The following USP24 variants were observed in gnomAD, a reference collection of about 807,000 sequenced individuals.
The protein encoded by USP24 is ubiquitin specific peptidase 24, also known as ubiquitin carboxyl-terminal hydrolase 24.
In USP24, 97 loss-of-function variants were observed where a neutral mutation model predicts 361.6. The ratio of observed to expected loss-of-function variants is 0.27; its 90% CI spans 0.23 to 0.32. The LOEUF is 0.32. USP24 is among the 10% of genes least tolerant of loss of function. The pLI is 1.00. For synonymous variants in USP24, 1,098 were observed against 1,124.6 expected (o/e 0.98, Z 0.47); for missense variants, 2,353 against 3,165.6 (o/e 0.74, Z 6.16).
intron 40 of USP24, among the ~76,000 whole-genome samples, chr1:55,106,533 T>C: frequency 6.6e-6 from 1 of 152,200 alleles, no homozygotes; most frequent in East Asian, 1.9e-4. Context: ...GCTTTCACTT[T>C]AGAAACAGAA....
rs529158905 is a variant in USP24 at position 55,214,859 on chromosome 1, G to A, written c.255C>T (p.Arg85=). Residue 85 remains arginine, a synonymous_variant, in exon 1 of 68, where the codon CGC becomes CGT. Transcript: ENST00000294383. ...CGCCCCCGCCTCCGGTGCTCCCGCC[G>A]CGGGAGGGGCCGCCGCCGCCGCCGT... ...GGDGGGGGPS[R]GGSTGGGGGF... is the part of the protein sequence containing the mutation. 66 of 1,222,794 alleles carry A rather than the reference G, an allele frequency of 5.4e-5. No individual in the cohort carries two copies. Among genetic ancestry groups the A allele is most frequent in the Non-Finnish European group, 6.4e-5 (62 of 975,406 alleles). The allele number at this position is 1,222,794 out of a possible 1,614,324, so 75.7% of individuals were successfully genotyped here.
chr1:55,163,366 T>C (rs540526427), intron 7 of USP24, among the ~76,000 whole-genome samples: 1 of 151,968 alleles, frequency 6.6e-6, no homozygotes, highest in African/African-American at 2.4e-5. Flanking sequence ...GATTTACAAA[T>C]ATGCAAAATA....
chr1:55,096,941 G>C lies in USP24; in HGVS notation c.5936+11C>G. The C allele has an allele frequency of 1.2e-6, 2 of 1,611,064 alleles. No individual in the cohort carries two copies. The highest frequency in any genetic ancestry group is 1.7e-4 in the Middle Eastern group (1 of 6,028). On this transcript the variant is annotated intron_variant, in intron 49 of 67. Coordinates refer to ENST00000294383, the MANE Select transcript of USP24 (RefSeq NM_015306.3). ...AGAAAGTGAGTAAGTGCTGCCTCAGGAAACTCTTACCGCCTGTCCTTAATG... is the reference window on the plus strand; with the variant it reads ...AGAAAGTGAGTAAGTGCTGCCTCAGCAAACTCTTACCGCCTGTCCTTAATG...
At chr1:55,088,878 T>C (rs1645310728) in intron 55 of USP24, among the ~76,000 whole-genome samples, 2 of 152,154 alleles carry the variant, frequency 1.3e-5, no homozygotes, top group Admixed American at 1.3e-4. Context: ...AAATTTCAGG[T>C]ACCTAGGTAG....
intron 16 of USP24, among the ~76,000 whole-genome samples, chr1:55,149,448 A>G (rs1647130745): frequency 6.6e-6 from 1 of 152,142 alleles, no homozygotes; most frequent in South Asian, 2.1e-4. Context: ...TAAGATGAAG[A>G]CCCTTGTGGA....
Position 55,215,260 on chromosome 1 carries a change from C to T in USP24, c.-147G>A. The T allele has an allele frequency of 1.7e-6, 1 of 595,936 alleles. No individual in the cohort carries two copies. The highest frequency in any genetic ancestry group is 5.7e-4 in the Middle Eastern group (1 of 1,762). 36.9% of individuals were successfully genotyped at this position (595,936 alleles called of 1,614,324 possible). ...CCCGGGTGCTCCGCAGCAGCCGGGC[C>T]AGGCTGGGTGCGGGCTTGGGTCCTG... On this transcript the variant is annotated 5_prime_UTR_variant, in exon 1 of 68. Transcript: ENST00000294383.
chr1:55,125,610 C>A (rs17111657), intron 33 of USP24, 53 bp downstream of exon 33: 88,506 of 1,575,586 alleles, frequency 0.056, 5,272 homozygotes, highest in African/African-American at 0.32. Context: ...ACATGATTTG[C>A]GAAGAAAAAG....
intron 10 of USP24, 126 bp downstream of exon 10, chr1:55,158,752 T>TTATATATA: frequency 1.2e-6 from 1 of 861,154 alleles, no homozygotes; most frequent in Non-Finnish European, 1.6e-6. Context: ...TACACAATCA[T>TTATATATA]TCTCTTTTTT....
chr1:55,131,304 T>C (rs142504527), intron 31 of USP24, among the ~76,000 whole-genome samples: 4 of 152,172 alleles, frequency 2.6e-5, no homozygotes, highest in Admixed American at 6.5e-5. Flanking sequence ...CTCCTCAGTA[T>C]GCACGAAAAT....
At chr1:55,087,636 T>C (rs1645280642) in intron 55 of USP24, among the ~76,000 whole-genome samples, 1 of 152,222 alleles carries the variant, frequency 6.6e-6, no homozygotes, top group South Asian at 2.1e-4. Context: ...ATGAATTATA[T>C]GGATATATGC....
Position 55,214,853 on chromosome 1 carries a change from C to T in USP24, c.261G>A (p.Gly87=), listed in dbSNP as rs1239290894. The T allele has an allele frequency of 6.5e-6, 8 of 1,223,740 alleles. No homozygotes were observed. Among genetic ancestry groups the T allele is most frequent in the Non-Finnish European group, 7.2e-6 (7 of 975,536 alleles). 75.8% of individuals were successfully genotyped at this position (1,223,740 alleles called of 1,614,324 possible). A position where few individuals can be genotyped will look rare whatever the true frequency, so the allele number is the denominator to read the frequency against. The change falls in exon 1 of 68, where the codon GGG becomes GGA. Residue 87 remains glycine, a synonymous_variant. Coordinates refer to ENST00000294383, the MANE Select transcript of USP24 (RefSeq NM_015306.3). ...CGAAGCCGCCCCCGCCTCCGGTGCT[C>T]CCGCCGCGGGAGGGGCCGCCGCCGC... ...DGGGGGPSRG[G]STGGGGGFDP...
chr1:55,107,357 A>G lies in USP24; in HGVS notation c.4644T>C (p.Phe1548=). The G allele has an allele frequency of 6.2e-7, 1 of 1,613,958 alleles. No homozygotes were observed. The highest frequency in any genetic ancestry group is 8.5e-7 in the Non-Finnish European group (1 of 1,179,868). ...CACATTCAGCTGTACGATTAGGTTCAAAGTTATCCAGCCAAGTAATCTCAT... is the reference window on the plus strand; with the variant it reads ...CACATTCAGCTGTACGATTAGGTTCGAAGTTATCCAGCCAAGTAATCTCAT... ...LEDEITWLDN[F]EPNRTAECET... Residue 1548 remains phenylalanine, a synonymous_variant, in exon 40 of 68, where the codon TTT becomes TTC. Transcript: ENST00000294383.
At position 55,067,659 on chromosome 1, in the gene USP24, T is replaced by A. The variant is rs1570318489; in HGVS notation, c.*1386A>T. On this transcript the variant is annotated 3_prime_UTR_variant, in exon 68 of 68. Transcript: ENST00000294383. The stretch of plus-strand genomic sequence containing the variant: ...TCAGGGCTGGCTGCGCCTCTGTGAC[T>A]TGGCAAATCTGACAGTGAAAACCTG... 1 of 152,256 alleles carries A rather than the reference T, an allele frequency of 6.6e-6. No homozygotes were observed. Among genetic ancestry groups the A allele is most frequent in the East Asian group, 1.9e-4 (1 of 5,200 alleles). 9.4% of individuals were successfully genotyped at this position (152,256 alleles called of 1,614,324 possible). A position where few individuals can be genotyped will look rare whatever the true frequency, so the allele number is the denominator to read the frequency against.
chr1:55,148,274 A>T (rs1200588721), intron 17 of USP24, among the ~76,000 whole-genome samples, 189 bp downstream of exon 17: 2 of 73,626 alleles, frequency 2.7e-5, no homozygotes, highest in Admixed American at 2.1e-4. Context: ...TAAGGAGATT[A>T]AAAAAAAAAA....
intron 1 of USP24, among the ~76,000 whole-genome samples, chr1:55,188,785 C>T (rs536231847): frequency 6.6e-6 from 1 of 151,452 alleles, no homozygotes; most frequent in South Asian, 2.1e-4. Context: ...ATAGTGAAAC[C>T]CCGTCTCTAC....
chr1:55,156,902 G>T, intron 12 of USP24, 46 bp downstream of exon 12: 1 of 1,422,540 alleles, frequency 7.0e-7, no homozygotes. Flanking sequence ...CTCTCCTGTA[G>T]TCCAAAAACA....
chr1:55,099,776 G>A lies in USP24; in HGVS notation c.5365C>T (p.Leu1789Phe), dbSNP rs751253879. The A allele has an allele frequency of 6.4e-7, 1 of 1,552,678 alleles. No individual in the cohort carries two copies. Among genetic ancestry groups the A allele is most frequent in the South Asian group, 1.2e-5 (1 of 84,120 alleles). ...GAAAGTACAACTTTTACTACCTTGA[G>A]GTATTCATCCATCTGATCAATGAGA... Reference protein sequence around the residue: ...TSLIDQMDEYLKKMGRDQIFK... With the variant: ...TSLIDQMDEYFKKMGRDQIFK... The change falls in exon 45 of 68, where the codon CTC becomes TTC. Residue 1789 changes from leucine to phenylalanine, a missense_variant. Physicochemically the swap from Leu to Phe is conservative, Grantham distance 22. Around this residue, in one of 8 missense-constraint regions of USP24, gnomAD observed 105 missense variants for 200.3 expected, o/e 0.52. Transcript: ENST00000294383.
intron 1 of USP24, among the ~76,000 whole-genome samples, chr1:55,184,897 T>C (rs900460851): frequency 5.3e-5 from 8 of 152,110 alleles, no homozygotes; most frequent in African/African-American, 1.7e-4. Flanking sequence ...AAATATAATA[T>C]AAAACTTTTG....
chr1:55,197,021 T>C (rs1361977418), intron 1 of USP24, among the ~76,000 whole-genome samples: 1 of 152,262 alleles, frequency 6.6e-6, no homozygotes, highest in Non-Finnish European at 1.5e-5. Context: ...TAGCATATAG[T>C]TGCTTTCATA....
Sources: allele counts gnomAD v4.1 joint callset (sites outside exome capture counted in the v4.1 genomes callset), GRCh38; gene constraint gnomAD v4.1.1; regional missense constraint gnomAD v4.1.1; transcripts MANE v1.5; gene names NCBI Gene and HGNC (gene_info 2026-07-23, HGNC 2026-07-21).